TEX11: variants seen among roughly 807,000 people sequenced by gnomAD.
TEX11 encodes testis-expressed protein 11.
Under a neutral mutation model 84.4 loss-of-function variants are expected in TEX11, and 7 were observed. That is an observed-to-expected ratio of 0.08 (90% CI 0.05 to 0.16). The LOEUF (loss-of-function observed/expected upper bound fraction) is 0.16, where lower values mean the gene tolerates loss of function less well. TEX11 is among the 10% of genes least tolerant of loss of function. The pLI, the probability that TEX11 is intolerant of heterozygous loss-of-function variation, is 1.00. For missense variants in TEX11, 551 were observed against 660.5 expected (o/e 0.83, Z 1.82); for synonymous variants, 264 against 222.8 (o/e 1.18, Z -1.64).
intron 7 of TEX11, among the ~76,000 whole-genome samples, chrX:70,844,505 A>G (rs1302709407): frequency 1.9e-5 from 2 of 106,130 alleles, no homozygotes; most frequent in Non-Finnish European, 3.9e-5. Context: ...GGATATACCT[A>G]ATGCTAAATG....
intron 9 of TEX11, among the ~76,000 whole-genome samples, chrX:70,780,174 TGA>T (rs1342247609): frequency 3.6e-5 from 4 of 111,283 alleles, no homozygotes; most frequent in Non-Finnish European, 7.5e-5. Flanking sequence ...CTTGGGAGGC[TGA>T]GACAGGAGAA....
intron 13 of TEX11, among the ~76,000 whole-genome samples, chrX:70,704,195 C>A (rs2090350346): frequency 9.1e-6 from 1 of 109,664 alleles, no homozygotes; most frequent in Non-Finnish European, 1.9e-5. Context: ...AGTAAAAGTT[C>A]CCTGAGGTCT....
At chrX:70,729,383 C>A (rs1233108511) in intron 11 of TEX11, among the ~76,000 whole-genome samples, 2 of 111,382 alleles carry the variant, frequency 1.8e-5, no homozygotes, top group Admixed American at 1.9e-4. Flanking sequence ...GAAGTTCGAA[C>A]CCACGGCAAA....
chrX:70,546,383 AT>A (rs1337184104), intron 28 of TEX11, among the ~76,000 whole-genome samples: 1 of 112,004 alleles, frequency 8.9e-6, no homozygotes. Context: ...AAAAGAAAAA[AT>A]TGATAGATTG....
At chrX:70,669,270 A>G (rs1318417687) in intron 16 of TEX11, among the ~76,000 whole-genome samples, 3 of 111,816 alleles carry the variant, frequency 2.7e-5, no homozygotes, top group Non-Finnish European at 3.8e-5. Context: ...ACATCCAGAT[A>G]TAGGTCCTTC....
chrX:70,646,301 T>G, intron 17 of TEX11, among the ~76,000 whole-genome samples: 1 of 111,994 alleles, frequency 8.9e-6, no homozygotes, highest in South Asian at 3.7e-4. Flanking sequence ...ACGTAAGACA[T>G]GAAACTGTAG....
chrX:70,778,418 T>C (rs1202238197), intron 9 of TEX11, among the ~76,000 whole-genome samples: 1 of 111,056 alleles, frequency 9.0e-6, no homozygotes, highest in Non-Finnish European at 1.9e-5. Context: ...ACCACAAAGA[T>C]GATAGTATTA....
chrX:70,827,925 C>T lies in TEX11; in HGVS notation c.606+5588G>A, dbSNP rs527426028. ...CCACACCCCCAGCTCAACACAGAGA[C>T]AGTGACTCCATATGTTTCAGAGAAA... is the stretch of plus-strand genomic sequence containing the variant. On this transcript the variant is annotated intron_variant, in intron 8 of 29. Transcript: ENST00000374333. 5.7e-4 allele frequency among the ~76,000 whole-genome samples: 64 copies of T among 111,626 alleles called. No individual in the cohort carries two copies. In the South Asian group the frequency reaches 0.024, roughly 42 times the overall value.
chrX:70,689,822 T>C (rs2090219775), intron 13 of TEX11, among the ~76,000 whole-genome samples: 1 of 111,719 alleles, frequency 9.0e-6, no homozygotes, highest in South Asian at 3.7e-4. Flanking sequence ...CTGCAAAGAA[T>C]ATAGTATGTA....
intron 25 of TEX11, among the ~76,000 whole-genome samples, chrX:70,578,183 T>C (rs369820487): frequency 8.9e-6 from 1 of 112,512 alleles, no homozygotes; most frequent in Non-Finnish European, 1.9e-5. Context: ...AGAAATTTGT[T>C]GAATCTCTGC....
intron 17 of TEX11, among the ~76,000 whole-genome samples, chrX:70,639,054 G>A (rs775766605): frequency 8.6e-4 from 95 of 110,399 alleles, no homozygotes; most frequent in African/African-American, 2.7e-3. Flanking sequence ...CAGTGGGTGC[G>A]CCCACCGTGC....
intron 4 of TEX11, among the ~76,000 whole-genome samples, chrX:70,865,631 C>A (rs748908672): frequency 1.8e-5 from 2 of 111,513 alleles, no homozygotes; most frequent in East Asian, 5.6e-4. Context: ...TAAAATCGAC[C>A]ACATAATTGG....
intron 9 of TEX11, among the ~76,000 whole-genome samples, chrX:70,750,933 AATATATAT>A (rs1169707708): frequency 3.5e-4 from 10 of 28,192 alleles, no homozygotes; most frequent in Non-Finnish European, 5.6e-4. Flanking sequence ...AAAAAAAAAA[AATATATAT>A]ATATATATAT....
At chrX:70,756,834 C>G (rs1000617267) in intron 9 of TEX11, among the ~76,000 whole-genome samples, 2 of 111,984 alleles carry the variant, frequency 1.8e-5, no homozygotes, top group African/African-American at 6.5e-5. Flanking sequence ...GCTAAAGGAG[C>G]ATGTTCTAAC....
chrX:70,786,445 C>G (rs755879138), intron 9 of TEX11, among the ~76,000 whole-genome samples: 7 of 111,152 alleles, frequency 6.3e-5, no homozygotes, highest in Non-Finnish European at 1.1e-4. Flanking sequence ...ATTGTGCATG[C>G]ACATGTACCG....
intron 13 of TEX11, among the ~76,000 whole-genome samples, chrX:70,715,187 T>G (rs1325911047): frequency 9.2e-6 from 1 of 108,428 alleles, no homozygotes; most frequent in East Asian, 2.9e-4. Context: ...GGCTTCCCTT[T>G]GTGGGCAACC....
intron 13 of TEX11, among the ~76,000 whole-genome samples, chrX:70,719,000 C>G (rs1409253343): frequency 2.7e-5 from 3 of 111,204 alleles, no homozygotes; most frequent in Admixed American, 1.9e-4. Flanking sequence ...TTCACGTTAA[C>G]CTCCATCTCA....
At chrX:70,828,963 GA>G (rs931406925) in intron 8 of TEX11, among the ~76,000 whole-genome samples, 1 of 110,018 alleles carries the variant, frequency 9.1e-6, no homozygotes, top group Non-Finnish European at 1.9e-5. Context: ...TGCTGAAGGA[GA>G]AAAAAAAATG....
intron 11 of TEX11, among the ~76,000 whole-genome samples, chrX:70,728,456 C>T (rs1569421371): frequency 1.8e-5 from 2 of 113,008 alleles, no homozygotes; most frequent in African/African-American, 6.4e-5. Context: ...AATCAGGTCA[C>T]TCCCACCATA....
Sources: allele counts gnomAD v4.1 joint callset (sites outside exome capture counted in the v4.1 genomes callset), GRCh38; gene constraint gnomAD v4.1.1; transcripts MANE v1.5; gene names NCBI Gene and HGNC (gene_info 2026-07-23, HGNC 2026-07-21).